The following IL7 variants were observed in gnomAD, a reference collection of about 807,000 sequenced individuals.
IL7 encodes interleukin-7.
Under a neutral mutation model 21.6 loss-of-function variants are expected in IL7, and 3 were observed. The ratio of observed to expected loss-of-function variants is 0.14; its 90% confidence interval spans 0.06 to 0.36. IL7 has a LOEUF of 0.36. IL7 is among the 10% of genes least tolerant of loss of function. The probability of loss-of-function intolerance (pLI) is 1.00; values close to 1 mark genes in which losing one functional copy is unlikely to be tolerated. For missense variants in IL7, 175 were observed against 200.2 expected (o/e 0.87, Z 0.76); for synonymous variants, 62 against 68.1 (o/e 0.91, Z 0.44).
At chr8:78,729,978 C>T (rs1013459252), downstream of IL7, among the ~76,000 whole-genome samples, 4 of 151,830 alleles carry the variant, frequency 2.6e-5, no homozygotes, top group Admixed American at 1.3e-4. Context: ...TCAGTTCCAC[C>T]TGGGAAAGCA....
At chr8:78,748,362 A>G (rs532369442) in intron 2 of IL7, among the ~76,000 whole-genome samples, 1 of 152,220 alleles carries the variant, frequency 6.6e-6, no homozygotes, top group Non-Finnish European at 1.5e-5. Flanking sequence ...ACTTGATAGT[A>G]AGAGAGAATC....
intron 2 of IL7, among the ~76,000 whole-genome samples, chr8:78,790,443 A>C (rs910100784): frequency 1.2e-4 from 19 of 152,206 alleles, no homozygotes; most frequent in African/African-American, 4.6e-4. Context: ...TTCCTAGATT[A>C]TTCAAAATTA....
downstream of IL7, among the ~76,000 whole-genome samples, chr8:78,713,611 T>A (rs960713602): frequency 4.9e-4 from 74 of 152,256 alleles, no homozygotes; most frequent in African/African-American, 1.6e-3. Flanking sequence ...ATGAATGGAC[T>A]TGGAGTGAGC....
rs147632857 is a variant in IL7 at position 78,744,929 on chromosome 8, G to A, written c.148-4847C>T. Among the ~76,000 whole-genome samples, 1,054 of 152,252 alleles carry A rather than the reference G, an allele frequency of 6.9e-3. 14 individuals carry two copies. Among genetic ancestry groups the A allele is most frequent in the African/African-American group, 0.022 (913 of 41,568 alleles). On this transcript the variant is annotated intron_variant, in intron 2 of 5. Transcript: ENST00000263851. Reference sequence around the variant, plus strand: ...GGGGAGGTTCACCTGGCTGGGTGTCGTGCCCAGGTGGGCTGTCGTCCTGCC... The same window carrying A: ...GGGGAGGTTCACCTGGCTGGGTGTCATGCCCAGGTGGGCTGTCGTCCTGCC...
intron 2 of IL7, among the ~76,000 whole-genome samples, chr8:78,783,748 A>C (rs1813418694): frequency 6.6e-6 from 1 of 152,182 alleles, no homozygotes; most frequent in East Asian, 1.9e-4. Flanking sequence ...ACAATTTGAG[A>C]GATGAAGTAT....
chr8:78,770,658 T>C (rs1157083818), intron 2 of IL7, among the ~76,000 whole-genome samples: 3 of 151,986 alleles, frequency 2.0e-5, no homozygotes, highest in Non-Finnish European at 2.9e-5. Flanking sequence ...TATATACATA[T>C]GCATACACAG....
rs953821218 is a variant in IL7, at chr8:78,699,205, C to A, written n.215-13258G>T. Among the ~76,000 whole-genome samples the A allele has an allele frequency of 2.6e-5, 4 of 151,790 alleles. No individual in the cohort carries two copies. The South Asian group carries it at 8.3e-4, about 32-fold the overall frequency. ...GTGGGGTGATTCTCTTAATTTAATC[C>A]TTTTTTATATTTTTCTACTGTTATA... is the stretch of plus-strand genomic sequence containing the variant. On this transcript the variant is annotated intron_variant and non_coding_transcript_variant, in intron 3 of 4. Transcript: ENST00000523959.
At chr8:78,741,949 A>G (rs1811796973) in intron 2 of IL7, among the ~76,000 whole-genome samples, 1 of 152,202 alleles carries the variant, frequency 6.6e-6, no homozygotes, top group Admixed American at 6.5e-5. Context: ...TTAACAAAGA[A>G]TAGAATTACT....
intron 3 of IL7, among the ~76,000 whole-genome samples, chr8:78,705,282 A>G (rs1365394191): frequency 6.6e-6 from 1 of 152,052 alleles, no homozygotes; most frequent in Non-Finnish European, 1.5e-5. Context: ...GAGGCTGCTT[A>G]CCTTTGGATG....
At chr8:78,761,762 G>A (rs1353958904) in intron 2 of IL7, 1 of 1,611,838 alleles carries the variant, frequency 6.2e-7, no homozygotes, top group African/African-American at 1.3e-5. Context: ...AACTGCTGTT[G>A]TCTCAAACCG....
intron 3 of IL7, among the ~76,000 whole-genome samples, chr8:78,725,755 A>G (rs1002924702): frequency 2.0e-5 from 3 of 152,034 alleles, no homozygotes; most frequent in Admixed American, 1.3e-4. Context: ...GTATAATTAT[A>G]TGTATCTTGC....
chr8:78,719,336 T>C (rs564403808), intron 5 of IL7: 57 of 151,876 alleles, frequency 3.8e-4, no homozygotes, highest in African/African-American at 1.3e-3. Context: ...AGTAAATTAA[T>C]GTTATAATGT....
At chr8:78,697,675 T>C (rs1260645515) in intron 3 of IL7, among the ~76,000 whole-genome samples, 1 of 151,292 alleles carries the variant, frequency 6.6e-6, no homozygotes, top group Non-Finnish European at 1.5e-5. Context: ...TAGTTTCTAC[T>C]TTTAACCTTT....
intron 4 of IL7, among the ~76,000 whole-genome samples, chr8:78,676,375 G>A (rs1377279786): frequency 6.6e-6 from 1 of 151,806 alleles, no homozygotes; most frequent in Non-Finnish European, 1.5e-5. Context: ...CAATGTAAAA[G>A]TACACCTAAA....
intron 4 of IL7, among the ~76,000 whole-genome samples, chr8:78,680,881 A>G (rs545704814): frequency 1.3e-5 from 2 of 152,292 alleles, no homozygotes; most frequent in Admixed American, 6.5e-5. Flanking sequence ...CAAGACAGAA[A>G]CTGGGAGGAG....
At chr8:78,747,188 C>CTTTTTT (rs1191243585) in intron 2 of IL7, 27 of 255,176 alleles carry the variant, frequency 1.1e-4, no homozygotes, top group African/African-American at 4.1e-4. Context: ...TACTTCATTG[C>CTTTTTT]TTTTTTTTTT....
intron 2 of IL7, chr8:78,760,501 AAGCTC>A: frequency 6.5e-7 from 1 of 1,538,698 alleles, no homozygotes; most frequent in Non-Finnish European, 8.7e-7. Context: ...CCCAACAATG[AAGCTC>A]AGCTGACAGC....
intron 2 of IL7, among the ~76,000 whole-genome samples, chr8:78,778,041 G>A (rs1158345426): frequency 6.6e-6 from 1 of 152,030 alleles, no homozygotes; most frequent in Non-Finnish European, 1.5e-5. Context: ...AAGCCCCCAG[G>A]TCAAATTAGT....
At chr8:78,744,604 G>A (rs759374859) in intron 2 of IL7, among the ~76,000 whole-genome samples, 2 of 152,130 alleles carry the variant, frequency 1.3e-5, no homozygotes, top group Non-Finnish European at 2.9e-5. Context: ...ACAGACCATC[G>A]CTGCTTGGCC....
Sources: allele counts gnomAD v4.1 joint callset (sites outside exome capture counted in the v4.1 genomes callset), GRCh38; gene constraint gnomAD v4.1.1; transcripts MANE v1.5; gene names NCBI Gene and HGNC (gene_info 2026-07-23, HGNC 2026-07-21).